The following ARHGAP24 variants were observed in gnomAD, a reference collection of about 807,000 sequenced individuals.
The protein encoded by ARHGAP24 is Rho GTPase activating protein 24.
Under a neutral mutation model 76.4 loss-of-function variants are expected in ARHGAP24, and 50 were observed. The ratio of observed to expected loss-of-function variants is 0.65; its 90% CI spans 0.52 to 0.83. ARHGAP24 has a LOEUF of 0.83. ARHGAP24 is among the 40% of genes least tolerant of loss of function. The pLI, the probability that ARHGAP24 is intolerant of heterozygous loss-of-function variation, is 0.00. For missense variants in ARHGAP24, 930 were observed against 914.2 expected, an observed-to-expected ratio of 1.02 and a Z score of -0.22; for synonymous variants, 345 against 323.3, an observed-to-expected ratio of 1.07 and a Z score of -0.72.
chr4:85,923,527 T>G lies in ARHGAP24; in HGVS notation c.269-121T>G, dbSNP rs560875749. On this transcript the variant is annotated intron_variant, in intron 3 of 9. Transcript: ENST00000395184. ...AGAAACCATGGTAAATATTTCATCA[T>G]TGGGTAGAACTTAGTGCGGGCTGTA... 2.0e-4 allele frequency: 269 copies of G among 1,365,410 alleles called. No homozygotes were observed. The African/African-American group carries it at 3.2e-3, about 16-fold the overall frequency. The allele number at this position is 1,365,410 out of a possible 1,614,324, so 84.6% of individuals were successfully genotyped here. A position where few individuals can be genotyped will look rare whatever the true frequency, so the allele number is the denominator to read the frequency against.
At chr4:85,880,674 G>A (rs1182981196) in intron 3 of ARHGAP24, among the ~76,000 whole-genome samples, 1 of 152,062 alleles carries the variant, frequency 6.6e-6, no homozygotes, top group Non-Finnish European at 1.5e-5. Flanking sequence ...GACCGCAGGC[G>A]CCCAACATCA....
intron 3 of ARHGAP24, among the ~76,000 whole-genome samples, chr4:85,863,043 G>A (rs1299045091): frequency 2.6e-5 from 4 of 152,022 alleles, no homozygotes; most frequent in Non-Finnish European, 4.4e-5. Context: ...AGCTGCCTGC[G>A]CTCCTCACCA....
rs1345654410 is a variant in ARHGAP24 at position 85,767,398 on chromosome 4, CAGAG to C, written c.268+45430_268+45433del. 2.6e-5 allele frequency among the ~76,000 whole-genome samples: 4 copies of C among 152,204 alleles called. No homozygotes were observed. In the South Asian group the frequency reaches 8.3e-4, roughly 32 times the overall value. On this transcript the variant is annotated intron_variant, in intron 3 of 9. Transcript: ENST00000395184. ...TCACCATCATACACATATATACACA[CAGAG>C]AGACATACATACACCTCACACATTC...
intron 2 of ARHGAP24, among the ~76,000 whole-genome samples, chr4:85,576,747 A>T (rs1727393992): frequency 6.6e-6 from 1 of 152,170 alleles, no homozygotes; most frequent in African/African-American, 2.4e-5. Flanking sequence ...ATTCATATAA[A>T]ATATTATTTT....
chr4:85,688,479 T>G (rs965149663), intron 2 of ARHGAP24, among the ~76,000 whole-genome samples: 2 of 152,212 alleles, frequency 1.3e-5, no homozygotes, highest in African/African-American at 2.4e-5. Context: ...TATTACTCCT[T>G]TGTCAGATGC....
At chr4:85,923,422 G>A (rs1250188696) in intron 3 of ARHGAP24, among the ~76,000 whole-genome samples, 1 of 152,152 alleles carries the variant, frequency 6.6e-6, no homozygotes, top group Non-Finnish European at 1.5e-5. Flanking sequence ...CCCAGGCTTT[G>A]TTTAGAAAAT....
intron 2 of ARHGAP24, among the ~76,000 whole-genome samples, chr4:85,684,299 C>T (rs1723340464): frequency 6.6e-6 from 1 of 152,146 alleles, no homozygotes; most frequent in African/African-American, 2.4e-5. Context: ...TTATAATGCT[C>T]ATCCTAATGA....
At chr4:85,936,331 T>C (rs1195769136) in intron 4 of ARHGAP24, among the ~76,000 whole-genome samples, 1 of 152,220 alleles carries the variant, frequency 6.6e-6, no homozygotes, top group East Asian at 1.9e-4. Context: ...TTTATTTCCA[T>C]GCATGCATTT....
intron 2 of ARHGAP24, among the ~76,000 whole-genome samples, chr4:85,580,065 C>G (rs1044756865): frequency 7.2e-5 from 11 of 152,008 alleles, no homozygotes; most frequent in African/African-American, 2.4e-4. Context: ...TAATTTAAAA[C>G]TCAAGCCTCA....
chr4:85,995,492 A>T lies in ARHGAP24; in HGVS notation c.1838A>T (p.His613Leu), dbSNP rs1257062620. The T allele has an allele frequency of 6.2e-7, 1 of 1,602,444 alleles. No homozygotes were observed. The highest frequency in any genetic ancestry group is 1.7e-5 in the Admixed American group (1 of 59,478). Residue 613 changes from histidine to leucine, a missense_variant, in exon 9 of 10, where the codon CAC (histidine) becomes CTC (leucine). Coordinates refer to ENST00000395184, the MANE Select transcript of ARHGAP24 (RefSeq NM_001025616.3). ...AGGGACTATGAAAGCAAAAGTGACC[A>T]CAGGAGTGTGGGAGGTCGAAGTAGT... ...HPRDYESKSD[H>L]RSVGGRSSRA...
chr4:85,691,234 T>A (rs1178296701), intron 2 of ARHGAP24, among the ~76,000 whole-genome samples: 2 of 152,190 alleles, frequency 1.3e-5, no homozygotes, highest in Non-Finnish European at 2.9e-5. Flanking sequence ...TTGATTTTTT[T>A]TAAAATGTAT....
intron 3 of ARHGAP24, among the ~76,000 whole-genome samples, chr4:85,728,017 CAA>C (rs796337057): frequency 2.9e-5 from 4 of 138,462 alleles, no homozygotes; most frequent in Non-Finnish European, 4.8e-5. Context: ...ATTAGGCCTT[CAA>C]AAAAAAAAAA....
At chr4:85,685,528 G>C (rs947688228) in intron 2 of ARHGAP24, among the ~76,000 whole-genome samples, 1 of 151,902 alleles carries the variant, frequency 6.6e-6, no homozygotes, top group Admixed American at 6.6e-5. Flanking sequence ...AGCTACTCAG[G>C]AGGCTGAGGC....
chr4:85,621,772 G>C (rs1720725835), intron 2 of ARHGAP24, among the ~76,000 whole-genome samples: 1 of 151,980 alleles, frequency 6.6e-6, no homozygotes, highest in Non-Finnish European at 1.5e-5. Context: ...AGTTTAATTA[G>C]GTTATAATTG....
intron 2 of ARHGAP24, among the ~76,000 whole-genome samples, chr4:85,639,987 A>G (rs1244610455): frequency 6.6e-6 from 1 of 152,148 alleles, no homozygotes; most frequent in African/African-American, 2.4e-5. Flanking sequence ...CTTTGATATT[A>G]AGGGCCTTGT....
chr4:85,683,110 G>C (rs1398551245), intron 2 of ARHGAP24, among the ~76,000 whole-genome samples: 1 of 95,716 alleles, frequency 1.0e-5, no homozygotes, highest in African/African-American at 4.2e-5. Context: ...CTCAGTGTGT[G>C]GGGGGGTGGG....
chr4:85,582,675 T>C (rs1727665751), intron 2 of ARHGAP24, among the ~76,000 whole-genome samples: 1 of 152,116 alleles, frequency 6.6e-6, no homozygotes, highest in African/African-American at 2.4e-5. Flanking sequence ...ATGGGGTTGA[T>C]TTAAATGTCA....
intron 5 of ARHGAP24, among the ~76,000 whole-genome samples, chr4:85,949,814 C>T (rs1261011556): frequency 6.6e-6 from 1 of 152,210 alleles, no homozygotes; most frequent in African/African-American, 2.4e-5. Flanking sequence ...ACAGTCACGT[C>T]TGTGAACAAT....
intron 1 of ARHGAP24, among the ~76,000 whole-genome samples, chr4:85,567,042 G>A (rs1726878484): frequency 6.6e-6 from 1 of 152,136 alleles, no homozygotes; most frequent in Admixed American, 6.6e-5. Flanking sequence ...ATGGGGAGAA[G>A]GTGGCATGAG....
Sources: gnomAD v4.1 joint callset for allele counts (sites outside exome capture counted in the v4.1 genomes callset) on GRCh38, gnomAD v4.1.1 for gene constraint, MANE v1.5 for transcripts, NCBI Gene and HGNC (gene_info 2026-07-23, HGNC 2026-07-21) for gene names.